ADAMTSL1: variants seen among roughly 807,000 people sequenced by gnomAD.
The protein encoded by ADAMTSL1 is ADAMTS-like protein 1.
In ADAMTSL1, 126 loss-of-function variants were observed where a neutral mutation model predicts 201.8. That is an observed-to-expected ratio of 0.62 (90% CI 0.54 to 0.72). The LOEUF is 0.72. Among genes scored for constraint, ADAMTSL1 ranks in the 30% least tolerant of loss-of-function variants. ADAMTSL1 has a pLI of 0.00. For synonymous variants in ADAMTSL1, 1,121 were observed against 903.4 expected, an observed-to-expected ratio of 1.24 and a Z score of -4.32; for missense variants, 2,679 against 2,277.8, an observed-to-expected ratio of 1.18 and a Z score of -3.59.
At chr9:18,194,282 T>G (rs1309654863) in intron 2 of ADAMTSL1, among the ~76,000 whole-genome samples, 1 of 152,068 alleles carries the variant, frequency 6.6e-6, no homozygotes, top group Non-Finnish European at 1.5e-5. Context: ...AATAAGAGAT[T>G]TGAACATATT....
At chr9:18,543,933 C>A (rs1344602122) in intron 3 of ADAMTSL1, among the ~76,000 whole-genome samples, 1 of 152,102 alleles carries the variant, frequency 6.6e-6, no homozygotes, top group African/African-American at 2.4e-5. Flanking sequence ...CTTATTCTCT[C>A]TCCTATCCCT....
intron 1 of ADAMTSL1, among the ~76,000 whole-genome samples, chr9:18,003,518 T>C (rs117608154): frequency 6.0e-4 from 92 of 152,204 alleles, no homozygotes; most frequent in South Asian, 3.1e-3. Context: ...GCATGACCTG[T>C]TGTTTTACTG....
Position 18,887,967 on chromosome 9 carries a change from G to T in ADAMTSL1, c.4386G>T (p.Gly1462=). 6.2e-7 allele frequency: 1 copy of T among 1,613,964 alleles called. No individual in the cohort carries two copies. Among genetic ancestry groups the T allele is most frequent in the South Asian group, 1.1e-5 (1 of 91,068 alleles). The part of the protein sequence containing the change: ...QILQVANLSG[G]SQGEFSCLAQ... The stretch of plus-strand genomic sequence containing the variant: ...TTCAAGTTGCAAACCTTAGCGGTGG[G>T]TCTCAAGGGGAATTCAGCTGCCTTG... The change falls in exon 24 of 29, where the codon GGG becomes GGT. Residue 1462 remains glycine (G), a synonymous_variant. Transcript: ENST00000380548.
intron 20 of ADAMTSL1, among the ~76,000 whole-genome samples, chr9:18,798,261 G>A (rs910438357): frequency 1.3e-5 from 2 of 152,236 alleles, no homozygotes; most frequent in African/African-American, 2.4e-5. Context: ...AAAATCATGG[G>A]CTCTGGAGCC....
chr9:18,679,636 A>G (rs930999309), intron 10 of ADAMTSL1, among the ~76,000 whole-genome samples: 14 of 152,304 alleles, frequency 9.2e-5, no homozygotes, highest in African/African-American at 2.9e-4. Flanking sequence ...TACTTACTGG[A>G]GGAACTCTAA....
At chr9:18,150,438 T>A (rs765889973) in intron 1 of ADAMTSL1, among the ~76,000 whole-genome samples, 1 of 152,084 alleles carries the variant, frequency 6.6e-6, no homozygotes, top group Non-Finnish European at 1.5e-5. Flanking sequence ...TAGGAAGATA[T>A]TGATAATTTT....
intron 1 of ADAMTSL1, among the ~76,000 whole-genome samples, chr9:18,503,167 C>T (rs1415061893): frequency 6.6e-6 from 1 of 151,398 alleles, no homozygotes; most frequent in African/African-American, 2.4e-5. Context: ...TTTCATCTTC[C>T]CTAACTGAAA....
At chr9:18,598,055 A>G (rs1824379626) in intron 4 of ADAMTSL1, among the ~76,000 whole-genome samples, 1 of 152,310 alleles carries the variant, frequency 6.6e-6, no homozygotes, top group African/African-American at 2.4e-5. Flanking sequence ...AGAACACTTA[A>G]GATTCTGAAA....
chr9:18,381,546 A>G lies in ADAMTSL1; in HGVS notation c.208-123283A>G, dbSNP rs542521481. 5.9e-5 allele frequency among the ~76,000 whole-genome samples: 9 copies of G among 152,246 alleles called. No individual in the cohort carries two copies. The East Asian group carries it at 1.7e-3, about 29-fold the overall frequency. On this transcript the variant is annotated intron_variant, in intron 2 of 29. Coordinates refer to the ADAMTSL1 transcript ENST00000680146. ...CTCCTTCACTACATGCTGTGACATA[A>G]TCCCACATTGCTGGTTGAGATTGGG...
intron 15 of ADAMTSL1, among the ~76,000 whole-genome samples, chr9:18,726,886 CT>C (rs963510955): frequency 6.6e-6 from 1 of 152,306 alleles, no homozygotes; most frequent in African/African-American, 2.4e-5. Flanking sequence ...TACTTGGTTT[CT>C]GCCCTCCCCC....
chr9:18,342,064 A>G (rs1835486523), intron 2 of ADAMTSL1, among the ~76,000 whole-genome samples: 1 of 152,166 alleles, frequency 6.6e-6, no homozygotes, highest in Non-Finnish European at 1.5e-5. Flanking sequence ...TGAATTAGGT[A>G]AAATATCATG....
intron 4 of ADAMTSL1, among the ~76,000 whole-genome samples, chr9:18,578,629 T>C (rs1822889066): frequency 6.6e-6 from 1 of 152,182 alleles, no homozygotes. Flanking sequence ...AAAAATAGGA[T>C]TAGAAGGAAG....
At position 18,594,097 on chromosome 9, in the gene ADAMTSL1, T is replaced by C. The variant is rs886381618; in HGVS notation, c.474+19831T>C. Among the ~76,000 whole-genome samples, 3 of 152,136 alleles carry C rather than the reference T, an allele frequency of 2.0e-5. No homozygotes were observed. The East Asian group carries it at 5.8e-4, about 29-fold the overall frequency. ...TTTATTTTTAGTCTGGAAAAGTCTT[T>C]AGTTCTCTTTCATTTCTGAAGGATA... On this transcript the variant is annotated intron_variant, in intron 4 of 28. Coordinates refer to ENST00000380548, the MANE Select transcript of ADAMTSL1 (RefSeq NM_001040272.6).
At chr9:18,725,746 T>A (rs1309000912) in intron 15 of ADAMTSL1, among the ~76,000 whole-genome samples, 1 of 152,214 alleles carries the variant, frequency 6.6e-6, no homozygotes, top group African/African-American at 2.4e-5. Context: ...TCTAGTTCCT[T>A]CTTATACCCA....
intron 1 of ADAMTSL1, among the ~76,000 whole-genome samples, chr9:18,483,868 C>G (rs969341134): frequency 6.6e-6 from 1 of 152,088 alleles, no homozygotes; most frequent in Admixed American, 6.5e-5. Context: ...ACTCAAAGAT[C>G]ATTGTTGGCT....
intron 15 of ADAMTSL1, among the ~76,000 whole-genome samples, chr9:18,724,602 G>C (rs1184811372): frequency 2.6e-5 from 4 of 152,152 alleles, no homozygotes; most frequent in African/African-American, 9.7e-5. Flanking sequence ...CTAGATTTTA[G>C]AGTTCTTGCT....
chr9:18,425,862 A>G (rs1819193396), intron 2 of ADAMTSL1, among the ~76,000 whole-genome samples: 1 of 150,668 alleles, frequency 6.6e-6, no homozygotes, highest in Admixed American at 6.6e-5. Context: ...GTCTCAAGAA[A>G]AAAAAAAAAA....
intron 14 of ADAMTSL1, among the ~76,000 whole-genome samples, chr9:18,710,600 G>A (rs528732538): frequency 1.1e-3 from 158 of 149,988 alleles, no homozygotes; most frequent in African/African-American, 3.8e-3. Context: ...GAGATTATTG[G>A]TGTCTTTCTA....
intron 2 of ADAMTSL1, among the ~76,000 whole-genome samples, chr9:18,321,994 T>TA (rs1367114811): frequency 6.6e-6 from 1 of 152,118 alleles, no homozygotes; most frequent in Admixed American, 6.6e-5. Context: ...AGATATCTAG[T>TA]AAAAACCACC....
Sources: allele counts gnomAD v4.1 joint callset (sites outside exome capture counted in the v4.1 genomes callset), GRCh38; gene constraint gnomAD v4.1.1; transcripts MANE v1.5; gene names NCBI Gene and HGNC (gene_info 2026-07-23, HGNC 2026-07-21).